RIMS1: variants seen among roughly 807,000 people sequenced by gnomAD.
RIMS1 encodes the protein regulating synaptic membrane exocytosis protein 1.
In RIMS1, 83 loss-of-function variants were observed where a neutral mutation model predicts 214.1. That is an observed-to-expected ratio of 0.39 (90% confidence interval 0.32 to 0.47). The LOEUF is 0.47. Ranked by LOEUF, RIMS1 falls within the 20% of genes least tolerant of loss-of-function variation. RIMS1 has a pLI of 0.99. For synonymous variants in RIMS1, 793 were observed against 786.8 expected (o/e 1.01, Z -0.13); for missense variants, 2,050 against 2,161.8 (o/e 0.95, Z 1.03).
intron 9 of RIMS1, among the ~76,000 whole-genome samples, chr6:72,239,621 A>T (rs1185827617): frequency 6.6e-6 from 1 of 152,196 alleles, no homozygotes; most frequent in African/African-American, 2.4e-5. Context: ...TCTTGTTTTA[A>T]TCTTGCAATA....
chr6:72,120,870 T>C (rs755116127), intron 4 of RIMS1, among the ~76,000 whole-genome samples: 3 of 152,012 alleles, frequency 2.0e-5, no homozygotes, highest in South Asian at 4.1e-4. Context: ...TTTCTACATA[T>C]AGCTAGCCAG....
At chr6:72,026,026 G>A (rs1418711702) in intron 2 of RIMS1, among the ~76,000 whole-genome samples, 2 of 152,116 alleles carry the variant, frequency 1.3e-5, no homozygotes, top group African/African-American at 2.4e-5. Context: ...AAGCTGCAAT[G>A]TCTTTATGAC....
At chr6:72,207,176 C>A (rs1344283271) in intron 6 of RIMS1, among the ~76,000 whole-genome samples, 1 of 152,120 alleles carries the variant, frequency 6.6e-6, no homozygotes, top group Non-Finnish European at 1.5e-5. Flanking sequence ...TTTAGGGAGC[C>A]TTCTATTCTG....
chr6:71,943,526 T>G (rs1037545702), intron 1 of RIMS1, among the ~76,000 whole-genome samples: 15 of 152,194 alleles, frequency 9.9e-5, no homozygotes, highest in African/African-American at 3.6e-4. Flanking sequence ...TTGTTGAATT[T>G]TTACCTGTGC....
At chr6:71,900,956 TA>T (rs1159681269) in intron 1 of RIMS1, among the ~76,000 whole-genome samples, 1 of 151,980 alleles carries the variant, frequency 6.6e-6, no homozygotes, top group Non-Finnish European at 1.5e-5. Context: ...TAGAGGACAA[TA>T]GCCCTGCAAA....
At chr6:72,266,905 A>G (rs1164770394) in intron 22 of RIMS1, among the ~76,000 whole-genome samples, 2 of 152,206 alleles carry the variant, frequency 1.3e-5, no homozygotes, top group Non-Finnish European at 2.9e-5. Context: ...ATTTAGTTGT[A>G]CTAATGTAAC....
intron 29 of RIMS1, among the ~76,000 whole-genome samples, chr6:72,336,544 A>G (rs2096851161): frequency 6.6e-6 from 1 of 151,816 alleles, no homozygotes; most frequent in Admixed American, 6.6e-5. Flanking sequence ...ATACCAAAAT[A>G]TGTAGTTCTG....
chr6:72,216,906 G>A, intron 6 of RIMS1: 5 of 1,222,238 alleles, frequency 4.1e-6, no homozygotes, highest in Non-Finnish European at 5.1e-6. Context: ...ACAGCACAGA[G>A]CACTATAGAT....
chr6:72,381,893 C>T (rs1394005287), intron 29 of RIMS1, among the ~76,000 whole-genome samples: 1 of 152,122 alleles, frequency 6.6e-6, no homozygotes, highest in Non-Finnish European at 1.5e-5. Context: ...ACTTAAAGTA[C>T]ATTGTAACAA....
rs2046812155 is a variant in RIMS1 at position 72,170,078 on chromosome 6, C to T, written c.472-9497C>T. Among the ~76,000 whole-genome samples the T allele has an allele frequency of 2.0e-5, 3 of 152,310 alleles. No homozygotes were observed. In the South Asian group the frequency reaches 6.2e-4, roughly 32 times the overall value. On this transcript the variant is annotated intron_variant, in intron 4 of 33. Transcript: ENST00000521978. ...ACGACCTGAACCATCACTTACTCGG[C>T]TCCACCTGTGCCTTGAAACCACCAG...
intron 4 of RIMS1, among the ~76,000 whole-genome samples, chr6:72,109,856 T>C (rs2035651897): frequency 6.6e-6 from 1 of 152,116 alleles, no homozygotes; most frequent in Admixed American, 6.5e-5. Flanking sequence ...AAGTCTTTAA[T>C]CCATCTTGAA....
chr6:72,080,507 G>A (rs959402332), intron 2 of RIMS1, among the ~76,000 whole-genome samples: 1 of 152,156 alleles, frequency 6.6e-6, no homozygotes, highest in Non-Finnish European at 1.5e-5. Flanking sequence ...AGGAGCCAGA[G>A]GGAGCGTATG....
At chr6:72,192,091 T>C (rs781133909) in intron 6 of RIMS1, among the ~76,000 whole-genome samples, 22 of 152,296 alleles carry the variant, frequency 1.4e-4, no homozygotes, top group African/African-American at 5.3e-4. Flanking sequence ...CTGTGCCAAT[T>C]ATGCATTCTG....
intron 2 of RIMS1, among the ~76,000 whole-genome samples, chr6:72,018,173 C>T (rs1813376872): frequency 6.6e-6 from 1 of 151,766 alleles, no homozygotes; most frequent in Non-Finnish European, 1.5e-5. Flanking sequence ...AGATGAGAGG[C>T]AATGACTTTG....
chr6:72,332,986 T>C (rs1257537299), intron 28 of RIMS1, among the ~76,000 whole-genome samples: 1 of 151,766 alleles, frequency 6.6e-6, no homozygotes, highest in Non-Finnish European at 1.5e-5. Context: ...GAAGTTTGTG[T>C]GGAGGAAGTG....
chr6:72,377,231 C>A (rs972352522), intron 29 of RIMS1, among the ~76,000 whole-genome samples: 1 of 152,150 alleles, frequency 6.6e-6, no homozygotes, highest in African/African-American at 2.4e-5. Context: ...CCGTCCTGTA[C>A]CTTGAGTGTC....
At chr6:72,175,328 T>C (rs1404460219) in intron 4 of RIMS1, 3 of 369,162 alleles carry the variant, frequency 8.1e-6, no homozygotes, top group South Asian at 4.2e-5. Flanking sequence ...CTTTATATTA[T>C]AATACTAAGT....
chr6:72,138,289 CTT>C, intron 4 of RIMS1, among the ~76,000 whole-genome samples: 1 of 151,986 alleles, frequency 6.6e-6, no homozygotes. Flanking sequence ...TTCTTAGTAA[CTT>C]TCAGTGTTTC....
intron 4 of RIMS1, among the ~76,000 whole-genome samples, chr6:72,156,966 G>A (rs2153919315): frequency 7.1e-6 from 1 of 140,658 alleles, no homozygotes; most frequent in East Asian, 2.0e-4. Flanking sequence ...TTCTTTTAGA[G>A]CAGATAATAA....
Sources: allele counts gnomAD v4.1 joint callset (sites outside exome capture counted in the v4.1 genomes callset), GRCh38; gene constraint gnomAD v4.1.1; transcripts MANE v1.5; gene names NCBI Gene and HGNC (gene_info 2026-07-23, HGNC 2026-07-21).